The following BICD1 variants were observed in gnomAD, a reference collection of about 807,000 sequenced individuals.
BICD1 encodes the protein BICD cargo adaptor 1.
A neutral mutation model predicts 92.5 loss-of-function variants in BICD1; 35 were observed. The observed-to-expected ratio is 0.38, with a 90% CI of 0.29 to 0.50. The LOEUF (loss-of-function observed/expected upper bound fraction) is 0.50, where lower values mean the gene tolerates loss of function less well. Among genes scored for constraint, BICD1 ranks in the 20% least tolerant of loss-of-function variants. BICD1 has a pLI of 0.93. For missense variants in BICD1, 950 were observed against 1,189.8 expected (o/e 0.80, Z 2.97); for synonymous variants, 429 against 465.1 (o/e 0.92, Z 1.00).
intron 2 of BICD1, among the ~76,000 whole-genome samples, chr12:32,280,633 T>A (rs968702237): frequency 6.6e-6 from 1 of 152,216 alleles, no homozygotes; most frequent in South Asian, 2.1e-4. Flanking sequence ...TCAAAAGGCT[T>A]TCCTGCATCT....
At chr12:32,260,262 A>G (rs190667485) in intron 2 of BICD1, among the ~76,000 whole-genome samples, 437 of 152,300 alleles carry the variant, frequency 2.9e-3, no homozygotes, top group African/African-American at 9.5e-3. Context: ...CTGGTTGCCA[A>G]CGTTTAAAAA....
intron 8 of BICD1, chr12:32,339,321 C>T: frequency 9.8e-7 from 1 of 1,019,084 alleles, no homozygotes; most frequent in Non-Finnish European, 1.2e-6. Context: ...TCAGATTTGG[C>T]CAGTTCTCTC....
At chr12:32,242,215 CAAAAAAAAAAAAA>C (rs4001812) in intron 2 of BICD1, among the ~76,000 whole-genome samples, 1 of 47,716 alleles carries the variant, frequency 2.1e-5, no homozygotes, top group Non-Finnish European at 3.4e-5. Flanking sequence ...GACCCTGTCT[CAAAAAAAAAAAAA>C]AAAAAAAAAA....
chr12:32,358,263 G>A (rs572661570), intron 8 of BICD1, among the ~76,000 whole-genome samples: 2 of 151,904 alleles, frequency 1.3e-5, no homozygotes, highest in Admixed American at 6.6e-5. Context: ...ACCATGCCCA[G>A]CTAATTTTTG....
At chr12:32,157,913 G>T (rs11831773) in intron 1 of BICD1, among the ~76,000 whole-genome samples, 15,688 of 152,050 alleles carry the variant, frequency 0.1, 916 homozygotes, top group Admixed American at 0.18. Flanking sequence ...ACTATTAGCT[G>T]TGAGACCCTG....
intron 1 of BICD1, among the ~76,000 whole-genome samples, chr12:32,169,209 G>A (rs1277278500): frequency 2.0e-5 from 3 of 152,052 alleles, no homozygotes. Flanking sequence ...AAGATCAATG[G>A]AAAAATTATT....
chr12:32,116,510 C>CTCTCTCTCTCTATA (rs1233964108), intron 1 of BICD1, among the ~76,000 whole-genome samples: 2 of 104,372 alleles, frequency 1.9e-5, no homozygotes, highest in Admixed American at 1.1e-4. Context: ...CTCTCTCTCT[C>CTCTCTCTCTCTATA]TATATATATA....
intron 2 of BICD1, among the ~76,000 whole-genome samples, chr12:32,225,559 T>C (rs1162299959): frequency 1.3e-5 from 2 of 151,998 alleles, no homozygotes; most frequent in Non-Finnish European, 2.9e-5. Flanking sequence ...ACTAGCAATG[T>C]GTAAAAGTTC....
intron 7 of BICD1, chr12:32,338,203 C>A: frequency 5.1e-6 from 1 of 197,846 alleles, no homozygotes; most frequent in Non-Finnish European, 1.0e-5. Context: ...AGTCATTGTA[C>A]CTTTGGAAAT....
At chr12:32,306,726 T>C (rs1299936225) in intron 4 of BICD1, among the ~76,000 whole-genome samples, 1 of 151,738 alleles carries the variant, frequency 6.6e-6, no homozygotes, top group Admixed American at 6.6e-5. Flanking sequence ...CAGAAAAAAG[T>C]TCCTTGGGCC....
intron 2 of BICD1, among the ~76,000 whole-genome samples, chr12:32,270,565 C>T (rs1346481358): frequency 6.6e-6 from 1 of 152,094 alleles, no homozygotes. Flanking sequence ...TCTCATTATT[C>T]AAGTCACTAA....
At chr12:32,338,710 C>A in intron 7 of BICD1, 76 bp from the exon 8 acceptor site, 2 of 1,189,904 alleles carry the variant, frequency 1.7e-6, no homozygotes, top group East Asian at 2.7e-5. Context: ...AATGTTGTCA[C>A]TGGTGAGGCG....
chr12:32,171,536 C>G (rs1265960035), intron 1 of BICD1, among the ~76,000 whole-genome samples: 1 of 152,152 alleles, frequency 6.6e-6, no homozygotes, highest in African/African-American at 2.4e-5. Context: ...AGTTGGGGCA[C>G]CTTGTCTGGA....
At position 32,367,739 on chromosome 12, in the gene BICD1, C is replaced by T; in HGVS notation, c.2834C>T (p.Thr945Ile). Residue 945 changes from threonine to isoleucine, a missense_variant, in exon 9 of 10, where the codon ACT becomes ATT. By Grantham distance (89) the Thr-to-Ile change is moderately conservative (BLOSUM62 -1). Around this residue, in one of 5 missense-constraint regions of BICD1, gnomAD observed 179 missense variants for 186.7 expected, o/e 0.96. Transcript: ENST00000652176. ...SQLAGRQDCP[T>I]VSPDTALPEE... is the part of the protein sequence containing the mutation. ...CTAGCCGGGAGGCAAGACTGCCCAACTGTCAGGTAAATTCAGATGTCCTTT... is the reference window on the plus strand; with the variant it reads ...CTAGCCGGGAGGCAAGACTGCCCAATTGTCAGGTAAATTCAGATGTCCTTT... 6.2e-7 allele frequency: 1 copy of T among 1,613,842 alleles called. No homozygotes were observed. Among genetic ancestry groups the T allele is most frequent in the Non-Finnish European group, 8.5e-7 (1 of 1,179,728 alleles).
At chr12:32,362,033 T>G (rs1939350139) in intron 8 of BICD1, among the ~76,000 whole-genome samples, 1 of 152,206 alleles carries the variant, frequency 6.6e-6, no homozygotes, top group Non-Finnish European at 1.5e-5. Flanking sequence ...ACCAGTGGGC[T>G]CCTGGACTCC....
chr12:32,291,541 T>A (rs972788692), intron 2 of BICD1, among the ~76,000 whole-genome samples: 5 of 144,460 alleles, frequency 3.5e-5, no homozygotes, highest in East Asian at 2.0e-4. Context: ...AAAAAAAAAA[T>A]ATATATTAAA....
intron 8 of BICD1, chr12:32,339,921 C>A (rs185410847): frequency 3.5e-6 from 3 of 848,626 alleles, no homozygotes; most frequent in African/African-American, 3.7e-5. Flanking sequence ...TCTGCGTTCA[C>A]GCATGTCAAC....
chr12:32,275,652 C>T (rs1490265464), intron 2 of BICD1, among the ~76,000 whole-genome samples: 1 of 152,046 alleles, frequency 6.6e-6, no homozygotes, highest in African/African-American at 2.4e-5. Context: ...CCGTCCACCA[C>T]TGCTGTTTGC....
intron 1 of BICD1, among the ~76,000 whole-genome samples, chr12:32,193,505 T>C (rs1385722417): frequency 2.0e-5 from 3 of 152,194 alleles, no homozygotes; most frequent in Non-Finnish European, 4.4e-5. Flanking sequence ...GAACTGGACC[T>C]GCAATGTATC....
Sources: allele counts gnomAD v4.1 joint callset (sites outside exome capture counted in the v4.1 genomes callset), GRCh38; gene constraint gnomAD v4.1.1; regional missense constraint gnomAD v4.1.1; transcripts MANE v1.5; gene names NCBI Gene and HGNC (gene_info 2026-07-23, HGNC 2026-07-21).